The following GLG1 variants were observed in gnomAD, a reference collection of about 807,000 sequenced individuals.
GLG1 encodes the protein Golgi apparatus protein 1.
A neutral mutation model predicts 160.5 loss-of-function variants in GLG1; 38 were observed. The observed-to-expected ratio is 0.24, with a 90% confidence interval of 0.18 to 0.31. The LOEUF (loss-of-function observed/expected upper bound fraction) is 0.31. Among genes scored for constraint, GLG1 ranks in the 10% least tolerant of loss-of-function variants. The pLI, the probability that GLG1 is intolerant of heterozygous loss-of-function variation, is 1.00. For synonymous variants in GLG1, 644 were observed against 543.4 expected, an observed-to-expected ratio of 1.19 and a Z score of -2.57; for missense variants, 1,373 against 1,505.2, an observed-to-expected ratio of 0.91 and a Z score of 1.45.
chr16:74,457,832 AAG>A (rs746766250), intron 24 of GLG1, 40 bp downstream of exon 24: 15 of 1,600,138 alleles, frequency 9.4e-6, no homozygotes, highest in Admixed American at 1.7e-5. Flanking sequence ...TGCTCTTCCC[AAG>A]AGAGTTCAGA....
At chr16:74,574,528 C>G (rs1277300837) in intron 1 of GLG1, among the ~76,000 whole-genome samples, 1 of 152,036 alleles carries the variant, frequency 6.6e-6, no homozygotes, top group Non-Finnish European at 1.5e-5. Context: ...CCAAAGCAAG[C>G]CTTTGAATGA....
At chr16:74,549,579 C>T (rs2018143145) in intron 1 of GLG1, among the ~76,000 whole-genome samples, 1 of 152,224 alleles carries the variant, frequency 6.6e-6, no homozygotes, top group Admixed American at 6.5e-5. Flanking sequence ...AGCCGCTGCG[C>T]CTGGCCAGTC....
chr16:74,472,803 A>G (rs1009775856), intron 13 of GLG1: 6 of 354,530 alleles, frequency 1.7e-5, no homozygotes, highest in African/African-American at 1.1e-4. Context: ...AAGCCAGAGC[A>G]CTGCCCTCAA....
intron 2 of GLG1, among the ~76,000 whole-genome samples, chr16:74,514,970 GAAA>G (rs1014064806): frequency 7.0e-6 from 1 of 142,392 alleles, no homozygotes; most frequent in Non-Finnish European, 1.5e-5. Context: ...GAAAGCAAAA[GAAA>G]AAAAAAAGCA....
rs532967469 is a variant in GLG1, at chr16:74,516,904, A to G, written c.472-7979T>C. ...CGATCCCACAGAAATACAAACTACC[A>G]TCAGAAAATACTATAAACACCTCTA... On this transcript the variant is annotated intron_variant, in intron 2 of 25. Coordinates refer to ENST00000422840, the MANE Select transcript of GLG1 (RefSeq NM_001145667.2). Among the ~76,000 whole-genome samples, 20 of 152,342 alleles carry G rather than the reference A, an allele frequency of 1.3e-4. 1 individual carries two copies. In the South Asian group the frequency reaches 3.9e-3, roughly 30 times the overall value.
chr16:74,465,996 C>T (rs549066385), intron 18 of GLG1, among the ~76,000 whole-genome samples, 183 bp from the exon 19 acceptor site: 2 of 152,250 alleles, frequency 1.3e-5, no homozygotes, highest in Admixed American at 1.3e-4. Context: ...TGACAGCAAA[C>T]CCAACTAGAC....
At chr16:74,504,921 T>C (rs1317216932) in intron 3 of GLG1, among the ~76,000 whole-genome samples, 1 of 152,194 alleles carries the variant, frequency 6.6e-6, no homozygotes, top group Non-Finnish European at 1.5e-5. Flanking sequence ...AATAGAATTA[T>C]AAGCTTAAAT....
In GLG1 at chr16:74,575,005, CCGGGGGGGGGGGGGGGG is replaced by C. The variant is rs1467278054; in HGVS notation, c.438+31635_438+31651del. On this transcript the variant is annotated intron_variant, in intron 1 of 25. Coordinates refer to ENST00000422840, the MANE Select transcript of GLG1 (RefSeq NM_001145667.2). ...CCTGTAATCCTAGCACTTTGGGAGGCCGGGGGGGGGGGGGGGGCGGATCACGAGGTCAAGAGTTCAAG... is the reference window on the plus strand; with the variant it reads ...CCTGTAATCCTAGCACTTTGGGAGGCCGGATCACGAGGTCAAGAGTTCAAG... 2.4e-3 allele frequency among the ~76,000 whole-genome samples: 5 copies of C among 2,090 alleles called. 1 individual carries two copies. Among genetic ancestry groups the C allele is most frequent in the African/African-American group, 8.8e-3 (3 of 342 alleles). The allele number at this position is 2,090 out of a possible 152,430, so 1.4% of individuals were successfully genotyped here.
chr16:74,459,275 A>G (rs957547541), intron 23 of GLG1, among the ~76,000 whole-genome samples: 5 of 152,128 alleles, frequency 3.3e-5, no homozygotes, highest in African/African-American at 9.7e-5. Context: ...TCAGGAGATC[A>G]AGACCATTCT....
At chr16:74,569,487 A>C (rs1368648263) in intron 1 of GLG1, among the ~76,000 whole-genome samples, 1 of 152,192 alleles carries the variant, frequency 6.6e-6, no homozygotes, top group East Asian at 1.9e-4. Flanking sequence ...CCTCGTAAAT[A>C]CTGATTCCAG....
In GLG1 at chr16:74,606,783, C is replaced by T. The variant is rs746877860; in HGVS notation, c.312G>A (p.Ala104=). ...AGGPPARRGG[A]GAGGGWKLAE... ...CCAGCTTCCAGCCCCCACCAGCCCC[C>T]GCTCCTCCCCGCCGGGCCGGAGGCC... Residue 104 remains alanine, a synonymous_variant, in exon 1 of 26, where the codon GCG becomes GCA. Coordinates refer to ENST00000422840, the MANE Select transcript of GLG1 (RefSeq NM_001145667.2). The T allele has an allele frequency of 6.2e-7, 1 of 1,605,682 alleles. No homozygotes were observed. Among genetic ancestry groups the T allele is most frequent in the Non-Finnish European group, 8.5e-7 (1 of 1,176,176 alleles).
intron 24 of GLG1, among the ~76,000 whole-genome samples, chr16:74,457,057 C>T (rs969627406): frequency 1.3e-5 from 2 of 152,138 alleles, no homozygotes; most frequent in African/African-American, 2.4e-5. Flanking sequence ...CTTGAGCCCA[C>T]GACTTTGAGA....
intron 2 of GLG1, among the ~76,000 whole-genome samples, chr16:74,511,799 T>C (rs940648311): frequency 6.6e-5 from 10 of 152,152 alleles, no homozygotes; most frequent in Non-Finnish European, 1.3e-4. Context: ...TTTAGATTTT[T>C]TGAATGTCTT....
At chr16:74,458,216 G>A (rs1221584047) in intron 23 of GLG1, 1 of 443,616 alleles carries the variant, frequency 2.3e-6, no homozygotes. Context: ...TTGGAAAAAA[G>A]CAGGGGACTG....
chr16:74,525,993 C>A (rs941878260), intron 2 of GLG1, among the ~76,000 whole-genome samples: 3 of 151,844 alleles, frequency 2.0e-5, no homozygotes, highest in African/African-American at 7.3e-5. Flanking sequence ...CCCATCTCTA[C>A]AAAATAGAGA....
At chr16:74,547,748 T>C (rs370239146) in intron 1 of GLG1, among the ~76,000 whole-genome samples, 2 of 152,274 alleles carry the variant, frequency 1.3e-5, no homozygotes, top group South Asian at 2.1e-4. Context: ...CAAACTCTGA[T>C]AGCATAATCA....
At position 74,459,792 on chromosome 16, in the gene GLG1, G is replaced by A. The variant is rs773731967; in HGVS notation, c.3037-3C>T. 2.6e-6 allele frequency: 4 copies of A among 1,521,582 alleles called. No individual in the cohort carries two copies. In the Admixed American group the frequency reaches 5.9e-5, roughly 23 times the overall value. 94.3% of individuals were successfully genotyped at this position (1,521,582 alleles called of 1,614,324 possible). A position where few individuals can be genotyped will look rare whatever the true frequency, so the allele number is the denominator to read the frequency against. ...TCTTCAGCACATAGACTGGAGATCT[G>A]TTCAGGAGACACAAAAAACAAAGCT... is the stretch of plus-strand genomic sequence containing the variant. On this transcript the variant is annotated splice_polypyrimidine_tract_variant and splice_region_variant and intron_variant, in intron 22 of 25. Coordinates refer to ENST00000422840, the MANE Select transcript of GLG1 (RefSeq NM_001145667.2).
In GLG1 at chr16:74,546,837, CAAA is replaced by C. The variant is rs71376218; in HGVS notation, c.439-14687_439-14685del. Among the ~76,000 whole-genome samples, 56 of 59,702 alleles carry C rather than the reference CAAA, an allele frequency of 9.4e-4. 1 individual carries two copies. The highest frequency in any genetic ancestry group is 3.6e-3 in the African/African-American group (47 of 13,150). The allele number at this position is 59,702 out of a possible 152,430, so 39.2% of individuals were successfully genotyped here. ...TGGGCGACAGAGTGAGACTCCATCT[CAAA>C]AAAAAAAAAAAAAAAAGGATCCCTG... On this transcript the variant is annotated intron_variant, in intron 1 of 25. Coordinates refer to ENST00000422840, the MANE Select transcript of GLG1 (RefSeq NM_001145667.2).
At position 74,449,667 on chromosome 16, in the gene GLG1, A is replaced by G. The variant is rs1210970386; in HGVS notation, c.*3500T>C. The G allele has an allele frequency of 6.6e-6, 1 of 152,220 alleles. No individual in the cohort carries two copies. The highest frequency in any genetic ancestry group is 6.5e-5 in the Admixed American group (1 of 15,284). The allele number at this position is 152,220 out of a possible 1,614,324, so 9.4% of individuals were successfully genotyped here. A position where few individuals can be genotyped will look rare whatever the true frequency, so the allele number is the denominator to read the frequency against. On this transcript the variant is annotated 3_prime_UTR_variant, in exon 26 of 26. Transcript: ENST00000422840. ...CAGCATGAGACAGCCAAAGGCCTGC[A>G]GTGTGTTCAAGTCAATACCTGCTCA...
Sources: gnomAD v4.1 joint callset for allele counts (sites outside exome capture counted in the v4.1 genomes callset) on GRCh38, gnomAD v4.1.1 for gene constraint, MANE v1.5 for transcripts, NCBI Gene and HGNC (gene_info 2026-07-23, HGNC 2026-07-21) for gene names.